The following ST6GALNAC3 variants were observed in gnomAD, a reference collection of about 807,000 sequenced individuals.
ST6GALNAC3 encodes alpha-N-acetylgalactosaminide alpha-2,6-sialyltransferase 3.
A neutral mutation model predicts 32.7 loss-of-function variants in ST6GALNAC3; 25 were observed. The observed-to-expected ratio is 0.76, with a 90% CI of 0.56 to 1.07. The LOEUF (loss-of-function observed/expected upper bound fraction) is 1.07, where lower values mean the gene tolerates loss of function less well. ST6GALNAC3 is among the 50% of genes least tolerant of loss of function. ST6GALNAC3 has a pLI of 0.00. For missense variants in ST6GALNAC3, 355 were observed against 382.4 expected (o/e 0.93, Z 0.60); for synonymous variants, 129 against 133.1 (o/e 0.97, Z 0.21).
At chr1:76,590,203 A>G (rs1361010443) in intron 3 of ST6GALNAC3, among the ~76,000 whole-genome samples, 1 of 152,124 alleles carries the variant, frequency 6.6e-6, no homozygotes, top group Non-Finnish European at 1.5e-5. Flanking sequence ...TACTTTACTG[A>G]GGTTCTGAGC....
At chr1:76,622,642 T>G (rs1283449326) in intron 3 of ST6GALNAC3, among the ~76,000 whole-genome samples, 1 of 151,942 alleles carries the variant, frequency 6.6e-6, no homozygotes, top group African/African-American at 2.4e-5. Context: ...AACAAAGAGT[T>G]ATCCTGTCCA....
At chr1:76,251,801 C>T (rs1177239320) in intron 1 of ST6GALNAC3, among the ~76,000 whole-genome samples, 1 of 152,118 alleles carries the variant, frequency 6.6e-6, no homozygotes, top group Non-Finnish European at 1.5e-5. Flanking sequence ...ACTCTCTCTA[C>T]ACCATACCTC....
intron 3 of ST6GALNAC3, chr1:76,577,249 T>C: frequency 2.0e-6 from 2 of 997,300 alleles, no homozygotes; most frequent in Non-Finnish European, 2.4e-6. Context: ...ACAGGACTAC[T>C]GAATGGAGAG....
At chr1:76,546,655 T>G (rs1384267694) in intron 3 of ST6GALNAC3, among the ~76,000 whole-genome samples, 1 of 152,158 alleles carries the variant, frequency 6.6e-6, no homozygotes, top group Non-Finnish European at 1.5e-5. Flanking sequence ...AGAGCTGTTC[T>G]GGGAAGCAGA....
chr1:76,127,111 G>A (rs1195402884), intron 1 of ST6GALNAC3, among the ~76,000 whole-genome samples: 3 of 152,172 alleles, frequency 2.0e-5, no homozygotes, highest in South Asian at 2.1e-4. Context: ...CAGGACTTTC[G>A]TGAGCTCATT....
intron 3 of ST6GALNAC3, among the ~76,000 whole-genome samples, chr1:76,558,334 A>T (rs1665046269): frequency 6.6e-6 from 1 of 152,188 alleles, no homozygotes; most frequent in Non-Finnish European, 1.5e-5. Flanking sequence ...AAAGACAGGG[A>T]ATTAACCTAG....
chr1:76,155,936 C>T (rs1651383986), intron 1 of ST6GALNAC3, among the ~76,000 whole-genome samples: 1 of 152,094 alleles, frequency 6.6e-6, no homozygotes, highest in South Asian at 2.1e-4. Context: ...CCTTTTTCTG[C>T]TCCGGGAGCC....
intron 1 of ST6GALNAC3, among the ~76,000 whole-genome samples, chr1:76,278,904 T>C (rs1659339081): frequency 6.6e-6 from 1 of 152,216 alleles, no homozygotes; most frequent in African/African-American, 2.4e-5. Context: ...CATCGCGTAG[T>C]ACTTTCCCTC....
At chr1:76,328,019 G>A (rs1479560518) in intron 2 of ST6GALNAC3, among the ~76,000 whole-genome samples, 1 of 152,068 alleles carries the variant, frequency 6.6e-6, no homozygotes, top group Non-Finnish European at 1.5e-5. Flanking sequence ...TATTCTTTGG[G>A]TTATACAAAA....
In ST6GALNAC3 at chr1:76,517,362, A is replaced by G. The variant is rs1264109405; in HGVS notation, c.623+104945A>G. On this transcript the variant is annotated intron_variant, in intron 3 of 4. Coordinates refer to ENST00000328299, the MANE Select transcript of ST6GALNAC3 (RefSeq NM_152996.4). ...TTGTTCTAGTCAATATGACTTTTTA[A>G]GTATAATTTTAATGTTTTATTTTTG... 1.3e-5 allele frequency among the ~76,000 whole-genome samples: 2 copies of G among 151,766 alleles called. 1 individual carries two copies. Among genetic ancestry groups the G allele is most frequent in the African/African-American group, 4.8e-5 (2 of 41,384 alleles).
At chr1:76,469,853 A>G (rs1658899876) in intron 3 of ST6GALNAC3, among the ~76,000 whole-genome samples, 1 of 152,132 alleles carries the variant, frequency 6.6e-6, no homozygotes, top group Non-Finnish European at 1.5e-5. Context: ...TCAGATGAGC[A>G]CAAATGAAAA....
At chr1:76,370,940 G>C (rs1046165433) in intron 2 of ST6GALNAC3, among the ~76,000 whole-genome samples, 7 of 151,656 alleles carry the variant, frequency 4.6e-5, no homozygotes, top group Non-Finnish European at 7.4e-5. Flanking sequence ...TTGCTTCTCT[G>C]CTTCATTTTT....
At chr1:76,198,141 G>A (rs563944435) in intron 1 of ST6GALNAC3, among the ~76,000 whole-genome samples, 1 of 152,228 alleles carries the variant, frequency 6.6e-6, no homozygotes, top group Admixed American at 6.5e-5. Flanking sequence ...AGGCTCAAGT[G>A]ATCCTCCCAC....
At chr1:76,606,712 A>G (rs1348515085) in intron 3 of ST6GALNAC3, among the ~76,000 whole-genome samples, 1 of 151,858 alleles carries the variant, frequency 6.6e-6, no homozygotes, top group Non-Finnish European at 1.5e-5. Flanking sequence ...CATGTACCCC[A>G]GAGCTTAAAA....
chr1:76,156,869 C>T (rs450708), intron 1 of ST6GALNAC3, among the ~76,000 whole-genome samples: 19,579 of 152,226 alleles, frequency 0.13, 1,625 homozygotes, highest in Non-Finnish European at 0.18. Flanking sequence ...GTAGCTGGGA[C>T]TACAGGCGCC....
chr1:76,370,530 G>A (rs1362714198), intron 2 of ST6GALNAC3, among the ~76,000 whole-genome samples: 3 of 152,038 alleles, frequency 2.0e-5, no homozygotes, highest in African/African-American at 7.2e-5. Flanking sequence ...TAAACTCATA[G>A]GCATTAACAT....
intron 1 of ST6GALNAC3, among the ~76,000 whole-genome samples, chr1:76,120,223 G>C (rs565122818): frequency 6.6e-6 from 1 of 152,346 alleles, no homozygotes; most frequent in Non-Finnish European, 1.5e-5. Context: ...GGGGAACAGT[G>C]GCAGTTCCTG....
At chr1:76,487,533 G>C (rs1660203148) in intron 3 of ST6GALNAC3, among the ~76,000 whole-genome samples, 1 of 152,114 alleles carries the variant, frequency 6.6e-6, no homozygotes, top group Non-Finnish European at 1.5e-5. Flanking sequence ...ACTGAAGCTT[G>C]TGCATTCATC....
At chr1:76,277,528 GTATATATATA>G (rs370795804) in intron 1 of ST6GALNAC3, among the ~76,000 whole-genome samples, 926 of 84,410 alleles carry the variant, frequency 0.011, 7 homozygotes, top group African/African-American at 0.034. Context: ...ATGTTTATGT[GTATATATATA>G]TATATATATA....
Sources: gnomAD v4.1 joint callset for allele counts (sites outside exome capture counted in the v4.1 genomes callset) on GRCh38, gnomAD v4.1.1 for gene constraint, MANE v1.5 for transcripts, NCBI Gene and HGNC (gene_info 2026-07-23, HGNC 2026-07-21) for gene names.